Variants in TXLNB observed in about 807,000 individuals in gnomAD.
TXLNB encodes taxilin beta.
A neutral mutation model predicts 57.4 loss-of-function variants in TXLNB; 37 were observed. The observed-to-expected ratio is 0.64, with a 90% confidence interval of 0.50 to 0.85. The LOEUF (loss-of-function observed/expected upper bound fraction) is 0.85, where lower values mean the gene tolerates loss of function less well. Among genes scored for constraint, TXLNB ranks in the 40% least tolerant of loss-of-function variants. The pLI, the probability that TXLNB is intolerant of heterozygous loss-of-function variation, is 0.00. For missense variants in TXLNB, 848 were observed against 825.6 expected (o/e 1.03, Z -0.33); for synonymous variants, 302 against 309.6 (o/e 0.98, Z 0.26).
the TXLNB span, among the ~76,000 whole-genome samples, chr6:139,171,637 T>C: frequency 6.6e-6 from 1 of 151,320 alleles, no homozygotes; most frequent in African/African-American, 2.4e-5. Flanking sequence ...TTTTTCTTTC[T>C]TTTTTTTTGA....
the TXLNB span, chr6:139,166,279 C>T: frequency 1.3e-6 from 2 of 1,583,964 alleles, no homozygotes; most frequent in African/African-American, 2.7e-5. Context: ...TTATTCCTCC[C>T]CCAGAAGCCC....
chr6:139,246,131 C>T (rs542416126), intron 8 of TXLNB, among the ~76,000 whole-genome samples: 5 of 152,284 alleles, frequency 3.3e-5, no homozygotes, highest in South Asian at 2.1e-4. Flanking sequence ...CAACTACTAA[C>T]GTCCATAAAT....
At chr6:139,251,004 G>A (rs966758031) in intron 7 of TXLNB, among the ~76,000 whole-genome samples, 1 of 152,202 alleles carries the variant, frequency 6.6e-6, no homozygotes, top group Admixed American at 6.5e-5. Context: ...TCTTTGTGGT[G>A]TATTAATTGG....
the TXLNB span, among the ~76,000 whole-genome samples, chr6:139,320,253 A>G: frequency 6.6e-6 from 1 of 152,194 alleles, no homozygotes; most frequent in East Asian, 1.9e-4. Context: ...TAATTCATCA[A>G]TTTGGGAGTA....
the TXLNB span, among the ~76,000 whole-genome samples, chr6:139,189,045 C>T: frequency 4.0e-3 from 613 of 152,374 alleles, 2 homozygotes; most frequent in Middle Eastern, 0.014. Flanking sequence ...GCGTGAGCCA[C>T]CATGCCCGGC....
chr6:139,250,361 T>C (rs528111988), intron 7 of TXLNB, among the ~76,000 whole-genome samples: 58 of 144,312 alleles, frequency 4.0e-4, no homozygotes, highest in Admixed American at 6.7e-4. Context: ...TTCTTTCTTT[T>C]TTTTTTTTTT....
chr6:139,186,398 T>C, the TXLNB span, among the ~76,000 whole-genome samples: 1 of 152,122 alleles, frequency 6.6e-6, no homozygotes, highest in Non-Finnish European at 1.5e-5. Flanking sequence ...TGATGACACA[T>C]AAGGTACTCA....
the TXLNB span, among the ~76,000 whole-genome samples, chr6:139,160,128 CTG>C: frequency 1.3e-5 from 2 of 152,192 alleles, no homozygotes; most frequent in Non-Finnish European, 2.9e-5. Flanking sequence ...AGACTTGAAA[CTG>C]AGATTTTTGC....
chr6:139,267,359 G>A (rs1238013161), intron 4 of TXLNB, among the ~76,000 whole-genome samples: 3 of 152,144 alleles, frequency 2.0e-5, no homozygotes, highest in Admixed American at 1.3e-4. Context: ...GGCTGAGGGA[G>A]TAAATTGATC....
At chr6:139,168,172 T>C in the TXLNB span, among the ~76,000 whole-genome samples, 1 of 152,242 alleles carries the variant, frequency 6.6e-6, no homozygotes, top group Non-Finnish European at 1.5e-5. Flanking sequence ...AATACTGCTG[T>C]CTTCATTCTC....
rs866957265 is a variant in TXLNB at position 139,240,948 on chromosome 6, G to A, written c.*1578C>T. On this transcript the variant is annotated 3_prime_UTR_variant, in exon 10 of 10. Transcript: ENST00000358430. ...AGTTCAACTTTCAAGATAGGGTTGG[G>A]TTAGACATTGTTTCTTTCTTCCCTT... The A allele has an allele frequency of 2.0e-5, 3 of 152,244 alleles. No homozygotes were observed. The highest frequency in any genetic ancestry group is 7.2e-5 in the African/African-American group (3 of 41,442). The allele number at this position is 152,244 out of a possible 1,614,324, so 9.4% of individuals were successfully genotyped here. A position where few individuals can be genotyped will look rare whatever the true frequency, so the allele number is the denominator to read the frequency against.
In TXLNB at chr6:139,241,079, A is replaced by G. The variant is rs1478684748; in HGVS notation, c.*1447T>C. ...CTAGGTAATTTATGTTGTCAGTATC[A>G]TTAGAGGTTCTCATCAAGCAATGTT... On this transcript the variant is annotated 3_prime_UTR_variant, in exon 10 of 10. Coordinates refer to ENST00000358430, the MANE Select transcript of TXLNB (RefSeq NM_153235.4). 1 of 152,050 alleles carries G rather than the reference A, an allele frequency of 6.6e-6. No homozygotes were observed. The highest frequency in any genetic ancestry group is 2.4e-5 in the African/African-American group (1 of 41,390). 9.4% of individuals were successfully genotyped at this position (152,050 alleles called of 1,614,324 possible).
At chr6:139,255,444 A>G (rs762561383) in intron 7 of TXLNB, 120 bp downstream of exon 7, 33 of 763,786 alleles carry the variant, frequency 4.3e-5, no homozygotes, top group Non-Finnish European at 7.3e-5. Context: ...CTTCATTTCC[A>G]ATTCCCATCC....
chr6:139,306,227 C>G, the TXLNB span, among the ~76,000 whole-genome samples: 2 of 152,164 alleles, frequency 1.3e-5, no homozygotes, highest in African/African-American at 4.8e-5. Context: ...CCACAAAGAT[C>G]AGAGAAAAGT....
intron 3 of TXLNB, among the ~76,000 whole-genome samples, chr6:139,274,654 C>G (rs941176861): frequency 1.1e-4 from 16 of 152,160 alleles, no homozygotes; most frequent in Admixed American, 1.0e-3. Flanking sequence ...CCAGGATGAA[C>G]AACCCTGGCT....
chr6:139,239,368 G>T (rs1467288458), downstream of TXLNB: 1 of 152,298 alleles, frequency 6.6e-6, no homozygotes, highest in Non-Finnish European at 1.5e-5. The surrounding 1 kb of genome is among the most constrained non-coding windows in gnomAD (Gnocchi z 4.7). Flanking sequence ...TTGGTACTGA[G>T]AAACATATCA....
chr6:139,297,580 C>T, the TXLNB span, among the ~76,000 whole-genome samples: 2 of 152,162 alleles, frequency 1.3e-5, no homozygotes, highest in African/African-American at 4.8e-5. Context: ...GTAGCTTCCA[C>T]GTGAATTCCA....
chr6:139,323,064 T>A, the TXLNB span, among the ~76,000 whole-genome samples: 1 of 152,308 alleles, frequency 6.6e-6, no homozygotes, highest in South Asian at 2.1e-4. Context: ...TTCTGTGAAC[T>A]GACTAGGAAT....
chr6:139,295,585 G>A (rs536294978), upstream of TXLNB, among the ~76,000 whole-genome samples: 3 of 151,386 alleles, frequency 2.0e-5, no homozygotes, highest in Non-Finnish European at 4.4e-5. Context: ...TTTTTGGGGG[G>A]GGGATTTACT....
Sources: gnomAD v4.1 joint callset for allele counts (sites outside exome capture counted in the v4.1 genomes callset) on GRCh38, gnomAD v4.1.1 for gene constraint, Gnocchi (gnomAD v3.1) non-coding constraint, MANE v1.5 for transcripts, NCBI Gene and HGNC (gene_info 2026-07-23, HGNC 2026-07-21) for gene names.